Variants in SGCZ observed in about 807,000 individuals in gnomAD.
SGCZ encodes sarcoglycan zeta.
A neutral mutation model predicts 41.3 loss-of-function variants in SGCZ; 40 were observed. That is an observed-to-expected ratio of 0.97 (90% confidence interval 0.75 to 1.26). The LOEUF (loss-of-function observed/expected upper bound fraction) is 1.26. Among genes scored for constraint, SGCZ ranks in the 50% most tolerant of loss-of-function variants. The pLI is 0.00. For synonymous variants in SGCZ, 206 were observed against 137.5 expected, an observed-to-expected ratio of 1.50 and a Z score of -3.49; for missense variants, 552 against 369.8, an observed-to-expected ratio of 1.49 and a Z score of -4.04.
intron 1 of SGCZ, among the ~76,000 whole-genome samples, chr8:15,237,137 C>G (rs928797778): frequency 6.6e-6 from 1 of 152,210 alleles, no homozygotes; most frequent in Non-Finnish European, 1.5e-5. Flanking sequence ...GCACTGTCCC[C>G]GTGCCGGGCT....
At chr8:14,899,463 T>C (rs1201544326) in intron 1 of SGCZ, among the ~76,000 whole-genome samples, 1 of 152,162 alleles carries the variant, frequency 6.6e-6, no homozygotes, top group Non-Finnish European at 1.5e-5. Context: ...GAATGTGATT[T>C]AGAGAAGGTG....
chr8:14,100,835 G>GAAAT (rs1331295900), intron 7 of SGCZ, among the ~76,000 whole-genome samples: 1 of 151,772 alleles, frequency 6.6e-6, no homozygotes, highest in Non-Finnish European at 1.5e-5. Context: ...GAAGAGGACT[G>GAAAT]AAATACTCCA....
In SGCZ at chr8:14,653,897, T is replaced by C. The variant is rs182224157; in HGVS notation, c.40-98971A>G. Reference sequence around the variant, plus strand: ...CATAATCCTTTTTTTGAAAGCTCTATTACTCTGTGATAATTGAACAAGCAT... The same window carrying C: ...CATAATCCTTTTTTTGAAAGCTCTACTACTCTGTGATAATTGAACAAGCAT... On this transcript the variant is annotated intron_variant, in intron 1 of 7. Coordinates refer to ENST00000382080, the MANE Select transcript of SGCZ (RefSeq NM_139167.4). Among the ~76,000 whole-genome samples the C allele has an allele frequency of 6.9e-3, 1,048 of 152,256 alleles. 11 individuals are homozygous for C. Among genetic ancestry groups the C allele is most frequent in the Non-Finnish European group, 0.011 (737 of 68,016 alleles).
At chr8:14,337,183 C>T (rs149504310) in intron 2 of SGCZ, among the ~76,000 whole-genome samples, 2 of 152,126 alleles carry the variant, frequency 1.3e-5, no homozygotes, top group African/African-American at 4.8e-5. Flanking sequence ...GGAAGACATG[C>T]AGAAGCCTTC....
At chr8:14,624,555 A>ATTATTATTATTTTTT (rs1438250019) in intron 1 of SGCZ, among the ~76,000 whole-genome samples, 5 of 96,266 alleles carry the variant, frequency 5.2e-5, no homozygotes, top group East Asian at 7.7e-4. Flanking sequence ...TATTATTATT[A>ATTATTATTATTTTTT]TTTTTTTTTT....
chr8:15,223,013 C>G (rs866211295), intron 1 of SGCZ, among the ~76,000 whole-genome samples: 4 of 152,224 alleles, frequency 2.6e-5, no homozygotes, highest in Middle Eastern at 3.4e-3. Flanking sequence ...ATGGAAGTTT[C>G]AGACAATTTG....
intron 1 of SGCZ, among the ~76,000 whole-genome samples, chr8:15,134,169 T>A (rs1269449699): frequency 6.6e-6 from 1 of 152,134 alleles, no homozygotes; most frequent in Non-Finnish European, 1.5e-5. Context: ...TTACACTACC[T>A]TTCCCTTTAC....
rs752763819 is a variant in SGCZ, at chr8:15,106,735, T to G, written c.39+130850A>C. 3.8e-4 allele frequency among the ~76,000 whole-genome samples: 58 copies of G among 152,194 alleles called. 1 individual carries two copies. Among genetic ancestry groups the G allele is most frequent in the Middle Eastern group, 3.4e-3 (1 of 294 alleles). Reference sequence around the variant, plus strand: ...TAGTTTGTAATACTTATTTTTTTTCTTATCTGATTATGAATTTAAAAATAC... The same window carrying G: ...TAGTTTGTAATACTTATTTTTTTTCGTATCTGATTATGAATTTAAAAATAC... On this transcript the variant is annotated intron_variant, in intron 1 of 7. Coordinates refer to ENST00000382080, the MANE Select transcript of SGCZ (RefSeq NM_139167.4).
At chr8:14,997,393 T>C (rs531622248) in intron 1 of SGCZ, among the ~76,000 whole-genome samples, 1 of 152,358 alleles carries the variant, frequency 6.6e-6, no homozygotes, top group African/African-American at 2.4e-5. Context: ...CAAGATCATA[T>C]TAATGCAGTA....
intron 1 of SGCZ, among the ~76,000 whole-genome samples, chr8:14,936,171 C>T (rs1563375362): frequency 6.6e-6 from 1 of 151,802 alleles, no homozygotes; most frequent in Non-Finnish European, 1.5e-5. Flanking sequence ...GAAAGGTATC[C>T]AATAAGCCTA....
chr8:14,919,435 C>T lies in SGCZ; in HGVS notation c.39+318150G>A, dbSNP rs368581404. ...TAGCCTGAATGAAAAAGCAAGACTC[C>T]ACCTCTTAAAATAAATACAATTAAA... On this transcript the variant is annotated intron_variant, in intron 1 of 7. Transcript: ENST00000382080. Among the ~76,000 whole-genome samples the T allele has an allele frequency of 3.0e-4, 46 of 151,970 alleles. No homozygotes were observed. In the South Asian group the frequency reaches 6.2e-3, roughly 21 times the overall value.
intron 1 of SGCZ, among the ~76,000 whole-genome samples, chr8:14,673,159 G>A (rs375182985): frequency 1.2e-4 from 19 of 152,238 alleles, no homozygotes; most frequent in African/African-American, 4.6e-4. Flanking sequence ...GTGTTATGAT[G>A]TTTACCCTGT....
At chr8:14,383,473 A>T (rs1585432548) in intron 2 of SGCZ, among the ~76,000 whole-genome samples, 1 of 152,352 alleles carries the variant, frequency 6.6e-6, no homozygotes, top group Non-Finnish European at 1.5e-5. Context: ...TTCATGCTTC[A>T]AAGTGTCCCA....
intron 1 of SGCZ, among the ~76,000 whole-genome samples, chr8:14,717,183 A>G (rs932943626): frequency 6.6e-6 from 1 of 152,108 alleles, no homozygotes; most frequent in Non-Finnish European, 1.5e-5. Context: ...TTTTCTAGAT[A>G]AATAACAAAG....
intron 1 of SGCZ, chr8:14,878,920 T>C (rs540447659): frequency 0.05 from 7,562 of 152,376 alleles, 222 homozygotes; most frequent in Non-Finnish European, 0.061. Flanking sequence ...TTTGTTGTTG[T>C]TGTTGTTGTT....
intron 1 of SGCZ, among the ~76,000 whole-genome samples, chr8:14,644,741 A>G (rs755242246): frequency 2.0e-5 from 3 of 151,758 alleles, no homozygotes; most frequent in Non-Finnish European, 4.4e-5. Flanking sequence ...AGAATAATCT[A>G]GAAATGCAAA....
chr8:14,516,899 A>G (rs747479057), intron 2 of SGCZ, among the ~76,000 whole-genome samples: 1 of 152,054 alleles, frequency 6.6e-6, no homozygotes, highest in Non-Finnish European at 1.5e-5. Context: ...AGCTGACACC[A>G]AGAGTATATG....
intron 5 of SGCZ, among the ~76,000 whole-genome samples, chr8:14,133,122 C>T (rs1162202315): frequency 2.0e-5 from 3 of 152,160 alleles, no homozygotes; most frequent in African/African-American, 7.2e-5. Flanking sequence ...GGGGACTGAG[C>T]CTGGGGATCA....
chr8:15,121,252 T>A (rs939457991), intron 1 of SGCZ, among the ~76,000 whole-genome samples: 3 of 152,226 alleles, frequency 2.0e-5, no homozygotes, highest in Non-Finnish European at 4.4e-5. Flanking sequence ...TTCACCCTCA[T>A]CACAATTACC....
Sources: gnomAD v4.1 joint callset for allele counts (sites outside exome capture counted in the v4.1 genomes callset) on GRCh38, gnomAD v4.1.1 for gene constraint, MANE v1.5 for transcripts, NCBI Gene and HGNC (gene_info 2026-07-23, HGNC 2026-07-21) for gene names.